CD38: variants seen among roughly 807,000 people sequenced by gnomAD.
CD38 encodes CD38 molecule, also known as ADP-ribosyl cyclase/cyclic ADP-ribose hydrolase 1.
Under a neutral mutation model 36.3 loss-of-function variants are expected in CD38, and 31 were observed. That is an observed-to-expected ratio of 0.85 (90% confidence interval 0.64 to 1.15). CD38 has a LOEUF of 1.15. Ranked by LOEUF, CD38 falls within the 50% of genes most tolerant of loss-of-function variation. CD38 has a pLI of 0.00. For missense variants in CD38, 380 were observed against 371.9 expected (o/e 1.02, Z -0.18); for synonymous variants, 131 against 135.2 (o/e 0.97, Z 0.22).
chr4:15,794,271 G>A (rs1723063627), intron 1 of CD38, among the ~76,000 whole-genome samples: 1 of 152,182 alleles, frequency 6.6e-6, no homozygotes, highest in South Asian at 2.1e-4. Context: ...GATTGAAAAA[G>A]CAGTACATAT....
intron 1 of CD38, among the ~76,000 whole-genome samples, chr4:15,809,625 A>G (rs1309990323): frequency 6.6e-6 from 1 of 152,068 alleles, no homozygotes; most frequent in African/African-American, 2.4e-5. Flanking sequence ...TTCCAACAGC[A>G]CTTCTGGTTT....
At chr4:15,826,301 C>G (rs953607579) in intron 3 of CD38, among the ~76,000 whole-genome samples, 1 of 151,992 alleles carries the variant, frequency 6.6e-6, no homozygotes, top group Admixed American at 6.6e-5. Flanking sequence ...AATGTACACG[C>G]GCTGTTGTGC....
chr4:15,807,913 G>C (rs1560311960), intron 1 of CD38, among the ~76,000 whole-genome samples: 2 of 152,172 alleles, frequency 1.3e-5, no homozygotes, highest in Admixed American at 6.5e-5. Context: ...ATAAATTGGA[G>C]ACTTCATCCC....
chr4:15,780,527 C>CACGG (rs1722669634), intron 1 of CD38, among the ~76,000 whole-genome samples: 1 of 130,018 alleles, frequency 7.7e-6, no homozygotes, highest in South Asian at 2.3e-4. Flanking sequence ...CTCACACACA[C>CACGG]ACACACACAC....
At position 15,778,401 on chromosome 4, in the gene CD38, C is replaced by T; in HGVS notation, c.-14C>T. 2 of 1,602,542 alleles carry T rather than the reference C, an allele frequency of 1.2e-6. No homozygotes were observed. Among genetic ancestry groups the T allele is most frequent in the South Asian group, 2.2e-5 (2 of 90,838 alleles). ...CGGCCTCATCTTCGCCCAGCCAACCCCGCCTGGAGCCCTATGGCCAACTGC... is the reference window on the plus strand; with the variant it reads ...CGGCCTCATCTTCGCCCAGCCAACCTCGCCTGGAGCCCTATGGCCAACTGC... On this transcript the variant is annotated 5_prime_UTR_variant, in exon 1 of 8. Coordinates refer to ENST00000226279, the MANE Select transcript of CD38 (RefSeq NM_001775.4). This position sits in a 1 kb window ranked among gnomAD's most constrained non-coding sequence, Gnocchi z 4.9.
rs749275326 is a variant in CD38 at position 15,838,122 on chromosome 4, GT to G, written c.617del (p.Val206GlyfsTer33). 8.1e-6 allele frequency: 13 copies of G among 1,613,782 alleles called. No homozygotes were observed. Among genetic ancestry groups the G allele is most frequent in the Non-Finnish European group, 1.1e-5 (13 of 1,179,810 alleles). Reference sequence around the variant, plus strand: ...AGAAGCTGCCTGTGATGTGGTCCATGTGATGCTCAATGGATCCCGCAGTAAA... The same window carrying G: ...AGAAGCTGCCTGTGATGTGGTCCATGGATGCTCAATGGATCCCGCAGTAAA... ...FAEAACDVVH[V>X]MLNGSRSKIF... On this transcript the variant is annotated frameshift_variant, in exon 5 of 8. Coordinates refer to ENST00000226279, the MANE Select transcript of CD38 (RefSeq NM_001775.4). LOFTEE classifies it high-confidence loss of function.
chr4:15,849,284 A>AT lies in CD38; in HGVS notation c.*687dup, dbSNP rs1214183189. On this transcript the variant is annotated 3_prime_UTR_variant, in exon 8 of 8. Coordinates refer to ENST00000226279, the MANE Select transcript of CD38 (RefSeq NM_001775.4). The stretch of plus-strand genomic sequence containing the variant: ...CGAAAGGAATGGCAAAACCACAATT[A>AT]TTTTTGAACCAACCTAATAATTTAC... 1 of 152,236 alleles carries AT rather than the reference A, an allele frequency of 6.6e-6. No individual in the cohort carries two copies. The highest frequency in any genetic ancestry group is 2.4e-5 in the African/African-American group (1 of 41,468). 9.4% of individuals were successfully genotyped at this position (152,236 alleles called of 1,614,324 possible).
chr4:15,798,228 C>T (rs928418253), intron 1 of CD38, among the ~76,000 whole-genome samples: 101 of 152,278 alleles, frequency 6.6e-4, no homozygotes, highest in African/African-American at 2.3e-3. Context: ...CATAACAAGA[C>T]ATCCAGAAGT....
chr4:15,781,040 G>A (rs150633470), intron 1 of CD38, among the ~76,000 whole-genome samples: 98 of 152,248 alleles, frequency 6.4e-4, no homozygotes, highest in African/African-American at 2.0e-3. Context: ...CCCAGGAGGA[G>A]GAGGTAGCAC....
chr4:15,794,055 T>G (rs1056093813), intron 1 of CD38, among the ~76,000 whole-genome samples: 2 of 152,186 alleles, frequency 1.3e-5, no homozygotes, highest in Non-Finnish European at 2.9e-5. Context: ...AAATATTAAA[T>G]GGAATATTCC....
chr4:15,804,779 C>CA (rs1723307168), intron 1 of CD38, among the ~76,000 whole-genome samples: 1 of 151,990 alleles, frequency 6.6e-6, no homozygotes, highest in Non-Finnish European at 1.5e-5. Context: ...GGTAGGGAGA[C>CA]AGAGATTGAT....
intron 1 of CD38, among the ~76,000 whole-genome samples, chr4:15,811,844 G>C (rs1723478139): frequency 6.6e-6 from 1 of 152,184 alleles, no homozygotes; most frequent in Non-Finnish European, 1.5e-5. Flanking sequence ...TGGTAGGGCA[G>C]GTTTCAACTG....
rs190431023 is a variant in CD38 at position 15,840,992 on chromosome 4, A to G, written c.839+454A>G. On this transcript the variant is annotated intron_variant, in intron 7 of 7. Coordinates refer to ENST00000226279, the MANE Select transcript of CD38 (RefSeq NM_001775.4). ...GGATCTGAGTACAGATGCCTAACAC[A>G]TGACAAGGCGTCACACGGCAGTCTA... 2.1e-3 allele frequency among the ~76,000 whole-genome samples: 326 copies of G among 152,294 alleles called. 3 individuals are homozygous for G. The highest frequency in any genetic ancestry group is 7.3e-3 in the African/African-American group (305 of 41,556).
At chr4:15,802,176 C>A (rs935845981) in intron 1 of CD38, among the ~76,000 whole-genome samples, 1 of 151,984 alleles carries the variant, frequency 6.6e-6, no homozygotes, top group East Asian at 1.9e-4. Flanking sequence ...AAAGGAACCC[C>A]ACTTACAATA....
intron 1 of CD38, among the ~76,000 whole-genome samples, chr4:15,793,440 T>G (rs1361271174): frequency 6.6e-6 from 1 of 152,092 alleles, no homozygotes; most frequent in Non-Finnish European, 1.5e-5. Flanking sequence ...TATAATTATG[T>G]ATTTACTTCC....
At chr4:15,835,788 A>G (rs1407068677) in intron 4 of CD38, among the ~76,000 whole-genome samples, 1 of 152,198 alleles carries the variant, frequency 6.6e-6, no homozygotes. Flanking sequence ...CTGGGATTAC[A>G]GGGGTGAGCC....
At chr4:15,784,231 G>A (rs1438711338) in intron 1 of CD38, among the ~76,000 whole-genome samples, 2 of 152,252 alleles carry the variant, frequency 1.3e-5, no homozygotes, top group African/African-American at 2.4e-5. Flanking sequence ...GAATATGTGA[G>A]TGGAGTACCA....
At chr4:15,822,876 T>C (rs1045205470) in intron 2 of CD38, among the ~76,000 whole-genome samples, 38 of 152,048 alleles carry the variant, frequency 2.5e-4, no homozygotes, top group African/African-American at 8.7e-4. Context: ...ATAGCCAAGA[T>C]GATCCTAAGC....
At chr4:15,791,235 C>T (rs1478191109) in intron 1 of CD38, among the ~76,000 whole-genome samples, 15 of 58,092 alleles carry the variant, frequency 2.6e-4, no homozygotes, top group Non-Finnish European at 4.0e-4. Context: ...CGCCTCTGCC[C>T]GGCCGCCCGT....
Sources: allele counts gnomAD v4.1 joint callset (sites outside exome capture counted in the v4.1 genomes callset), GRCh38; gene constraint gnomAD v4.1.1; non-coding constraint Gnocchi (gnomAD v3.1); transcripts MANE v1.5; gene names NCBI Gene and HGNC (gene_info 2026-07-23, HGNC 2026-07-21).